The following SYNPR variants were observed in gnomAD, a reference collection of about 807,000 sequenced individuals.
SYNPR encodes the protein synaptoporin.
Under a neutral mutation model 32.9 loss-of-function variants are expected in SYNPR, and 23 were observed. The ratio of observed to expected loss-of-function variants is 0.70; its 90% CI spans 0.50 to 0.99. The LOEUF is 0.99. Ranked by LOEUF, SYNPR falls within the 50% of genes least tolerant of loss-of-function variation. The pLI, the probability that SYNPR is intolerant of heterozygous loss-of-function variation, is 0.00. For synonymous variants in SYNPR, 146 were observed against 135.9 expected (o/e 1.07, Z -0.52); for missense variants, 318 against 349.3 (o/e 0.91, Z 0.71).
intron 2 of SYNPR, among the ~76,000 whole-genome samples, chr3:63,454,507 C>CA (rs1361743210): frequency 4.5e-4 from 69 of 152,218 alleles, no homozygotes; most frequent in African/African-American, 1.6e-3. Context: ...ACAATAGCCC[C>CA]ATGAAACAAA....
intron 2 of SYNPR, among the ~76,000 whole-genome samples, chr3:63,431,063 G>A (rs543373120): frequency 6.6e-6 from 1 of 152,274 alleles, no homozygotes; most frequent in East Asian, 1.9e-4. Context: ...TTGTGAAGCT[G>A]TTGCTTCCTG....
chr3:63,517,798 G>C (rs1172772027), intron 3 of SYNPR, among the ~76,000 whole-genome samples: 1 of 152,044 alleles, frequency 6.6e-6, no homozygotes, highest in African/African-American at 2.4e-5. Context: ...GCCAACTCAG[G>C]GCTCCAGTTT....
At chr3:63,238,914 G>T (rs547642801) in intron 1 of SYNPR, among the ~76,000 whole-genome samples, 1 of 151,986 alleles carries the variant, frequency 6.6e-6, no homozygotes, top group African/African-American at 2.4e-5. Context: ...TTCTAAAATT[G>T]TCATTGCTGT....
At chr3:63,593,942 T>C (rs908191711) in intron 4 of SYNPR, among the ~76,000 whole-genome samples, 1 of 152,046 alleles carries the variant, frequency 6.6e-6, no homozygotes, top group African/African-American at 2.4e-5. Context: ...GCAGGGAAGA[T>C]AATAAAGTGT....
At chr3:63,473,896 T>G (rs1700849354) in intron 2 of SYNPR, among the ~76,000 whole-genome samples, 1 of 152,222 alleles carries the variant, frequency 6.6e-6, no homozygotes, top group African/African-American at 2.4e-5. Context: ...TCCTGGGTAC[T>G]TGTAGTGCCT....
At chr3:63,224,690 G>A (rs891837872), upstream of SYNPR, among the ~76,000 whole-genome samples, 1 of 152,154 alleles carries the variant, frequency 6.6e-6, no homozygotes, top group Non-Finnish European at 1.5e-5. Context: ...ATTATGCAGA[G>A]GAGTTTGGGC....
At chr3:63,478,419 A>G (rs1169758771) in intron 2 of SYNPR, among the ~76,000 whole-genome samples, 1 of 152,166 alleles carries the variant, frequency 6.6e-6, no homozygotes, top group African/African-American at 2.4e-5. Flanking sequence ...CAATTATGTT[A>G]TTCTACCATA....
At chr3:63,603,137 T>C (rs1700068508) in intron 4 of SYNPR, among the ~76,000 whole-genome samples, 1 of 152,314 alleles carries the variant, frequency 6.6e-6, no homozygotes, top group East Asian at 1.9e-4. Flanking sequence ...TTGGTTTGAC[T>C]TTCAGCCTGG....
intron 4 of SYNPR, among the ~76,000 whole-genome samples, chr3:63,605,077 G>A (rs1184553249): frequency 2.0e-5 from 3 of 152,158 alleles, no homozygotes; most frequent in African/African-American, 4.8e-5. Context: ...AATGAGCTAG[G>A]TAGTCAAAAT....
At chr3:63,202,551 G>A in the SYNPR span, among the ~76,000 whole-genome samples, 1 of 151,986 alleles carries the variant, frequency 6.6e-6, no homozygotes, top group Non-Finnish European at 1.5e-5. Context: ...TAAATATTGG[G>A]TAGAATTTCC....
chr3:63,532,541 C>T (rs960365813), intron 3 of SYNPR, among the ~76,000 whole-genome samples: 2 of 152,160 alleles, frequency 1.3e-5, no homozygotes, highest in Admixed American at 6.5e-5. Context: ...TATCTGTTTT[C>T]GAGGCAGCTG....
chr3:63,397,141 T>C (rs1010622994), intron 2 of SYNPR, among the ~76,000 whole-genome samples: 19 of 148,708 alleles, frequency 1.3e-4, no homozygotes, highest in South Asian at 6.4e-4. Context: ...ATTAAAAATA[T>C]GGTGATGGGG....
At chr3:63,224,752 C>G (rs2086116147), upstream of SYNPR, among the ~76,000 whole-genome samples, 1 of 152,190 alleles carries the variant, frequency 6.6e-6, no homozygotes, top group Non-Finnish European at 1.5e-5. Flanking sequence ...AGAAGGATAA[C>G]AGGGTGGCAT....
At chr3:63,248,000 G>A (rs1343398123) in intron 1 of SYNPR, among the ~76,000 whole-genome samples, 2 of 152,064 alleles carry the variant, frequency 1.3e-5, no homozygotes, top group African/African-American at 4.8e-5. Flanking sequence ...ACCTTACAAT[G>A]TAAGTAGGAT....
At chr3:63,219,300 C>T in the SYNPR span, among the ~76,000 whole-genome samples, 74,418 of 152,032 alleles carry the variant, frequency 0.49, 18,726 homozygotes, top group African/African-American at 0.6. Flanking sequence ...GTCCAAGAAA[C>T]GGAAAGTTGG....
In SYNPR at chr3:63,615,360, G is replaced by T. The variant is rs1432773210; in HGVS notation, c.737G>T (p.Gly246Val). The change falls in exon 6 of 6, where the codon GGT becomes GTT. Residue 246 changes from glycine to valine, a missense_variant. By Grantham distance (109) the Gly-to-Val change is moderately radical (BLOSUM62 -3). Transcript: ENST00000478300. ...CACTCCAGCAGCTATAATCAAGGTG[G>T]TTACAACCAAGACAGCTATGGATCA... ...EKHSSSYNQG[G>V]YNQDSYGSSS... The T allele has an allele frequency of 3.1e-6, 5 of 1,613,932 alleles. No homozygotes were observed. In the South Asian group the frequency reaches 5.5e-5, roughly 18 times the overall value.
upstream of SYNPR, among the ~76,000 whole-genome samples, chr3:63,277,838 C>T (rs6764604): frequency 0.025 from 3,823 of 152,158 alleles, 144 homozygotes; most frequent in African/African-American, 0.086. Context: ...AGTGACAATG[C>T]TTATCCTGTT....
intron 4 of SYNPR, among the ~76,000 whole-genome samples, chr3:63,568,468 C>A (rs1702831639): frequency 6.6e-6 from 1 of 152,108 alleles, no homozygotes; most frequent in Non-Finnish European, 1.5e-5. Context: ...TTTGGGAGAA[C>A]CACCCTCTCC....
intron 3 of SYNPR, among the ~76,000 whole-genome samples, chr3:63,499,697 C>T (rs561719688): frequency 2.6e-5 from 4 of 152,174 alleles, no homozygotes; most frequent in Non-Finnish European, 5.9e-5. Context: ...CTAGAGCTGC[C>T]TCTGTATTTC....
Sources: allele counts gnomAD v4.1 joint callset (sites outside exome capture counted in the v4.1 genomes callset), GRCh38; gene constraint gnomAD v4.1.1; transcripts MANE v1.5; gene names NCBI Gene and HGNC (gene_info 2026-07-23, HGNC 2026-07-21).